PIAS1: variants seen among roughly 807,000 people sequenced by gnomAD.
PIAS1 encodes E3 SUMO-protein ligase PIAS1.
PIAS1 carries 6 observed loss-of-function variants against 71.3 expected under a neutral mutation model. That is an observed-to-expected ratio of 0.08 (90% CI 0.05 to 0.17). The LOEUF is 0.17. Among genes scored for constraint, PIAS1 ranks in the 10% least tolerant of loss-of-function variants. The pLI, the probability that PIAS1 is intolerant of heterozygous loss-of-function variation, is 1.00. For missense variants in PIAS1, 555 were observed against 793.6 expected (o/e 0.70, Z 3.61); for synonymous variants, 303 against 292.9 (o/e 1.03, Z -0.35).
chr15:68,076,038 C>G (rs1390115622), intron 1 of PIAS1, among the ~76,000 whole-genome samples: 3 of 152,140 alleles, frequency 2.0e-5, no homozygotes, highest in Non-Finnish European at 4.4e-5. Context: ...CCGCTGCCGC[C>G]TCCCCAAAGT....
chr15:68,183,599 T>C, intron 12 of PIAS1, 31 bp from the exon 13 acceptor site: 1 of 938,626 alleles, frequency 1.1e-6, no homozygotes, highest in Non-Finnish European at 1.6e-6. Context: ...CTTCTTTTTT[T>C]TTTAAACTGA....
At chr15:68,098,223 A>G (rs1200206131) in intron 2 of PIAS1, among the ~76,000 whole-genome samples, 3 of 152,238 alleles carry the variant, frequency 2.0e-5, no homozygotes, top group Non-Finnish European at 4.4e-5. Context: ...TACCAATAAC[A>G]TAAACAGTTG....
intron 2 of PIAS1, among the ~76,000 whole-genome samples, chr15:68,118,989 A>G (rs1245161437): frequency 6.6e-6 from 1 of 150,464 alleles, no homozygotes; most frequent in Non-Finnish European, 1.5e-5. Context: ...GAAACAATCA[A>G]GAGAGCACAA....
In PIAS1 at chr15:68,184,531, A is replaced by T. The variant is rs77248480; in HGVS notation, c.1662+864A>T. The T allele has an allele frequency of 6.1e-3, 925 of 152,374 alleles. 3 individuals carry two copies. Among genetic ancestry groups the T allele is most frequent in the East Asian group, 0.032 (167 of 5,190 alleles). 9.4% of individuals were successfully genotyped at this position (152,374 alleles called of 1,614,324 possible). ...TAAAGAAAAGACTGGACCCAACTAC[A>T]GTGTTAAATGTACTGCTAGCTCCGG... is the stretch of plus-strand genomic sequence containing the variant. On this transcript the variant is annotated intron_variant, in intron 13 of 13. Coordinates refer to ENST00000249636, the MANE Select transcript of PIAS1 (RefSeq NM_016166.3).
rs1334028277 is a variant in PIAS1, at chr15:68,135,357, C to T, written c.470-6589C>T. On this transcript the variant is annotated intron_variant, in intron 2 of 13. Coordinates refer to ENST00000249636, the MANE Select transcript of PIAS1 (RefSeq NM_016166.3). ...TCACCTCCCGGATGGGGCGGCTGGCCGGGCGGGGGGCTGACCCCCACACCG... is the reference window on the plus strand; with the variant it reads ...TCACCTCCCGGATGGGGCGGCTGGCTGGGCGGGGGGCTGACCCCCACACCG... Among the ~76,000 whole-genome samples, 9 of 42,854 alleles carry T rather than the reference C, an allele frequency of 2.1e-4. 2 individuals carry two copies. In the South Asian group the frequency reaches 4.9e-3, roughly 23 times the overall value. 28.1% of individuals were successfully genotyped at this position (42,854 alleles called of 152,430 possible). A position where few individuals can be genotyped will look rare whatever the true frequency, so the allele number is the denominator to read the frequency against.
At chr15:68,090,312 C>T (rs1176803387) in intron 2 of PIAS1, among the ~76,000 whole-genome samples, 1 of 151,972 alleles carries the variant, frequency 6.6e-6, no homozygotes, top group Non-Finnish European at 1.5e-5. Flanking sequence ...ATGCAATTTT[C>T]CCAACTCAGC....
chr15:68,182,217 T>C (rs1179315104), intron 12 of PIAS1, among the ~76,000 whole-genome samples: 1 of 152,206 alleles, frequency 6.6e-6, no homozygotes, highest in African/African-American at 2.4e-5. Flanking sequence ...ATTTATATAT[T>C]TTGAGTTCAT....
Position 68,190,928 on chromosome 15 carries a change from A to G in PIAS1, c.*3093A>G, listed in dbSNP as rs569080507. 13 of 152,310 alleles carry G rather than the reference A, an allele frequency of 8.5e-5. No homozygotes were observed. The highest frequency in any genetic ancestry group is 2.9e-4 in the African/African-American group (12 of 41,578). 9.4% of individuals were successfully genotyped at this position (152,310 alleles called of 1,614,324 possible). A position where few individuals can be genotyped will look rare whatever the true frequency, so the allele number is the denominator to read the frequency against. Reference sequence around the variant, plus strand: ...CTTTGGCAGATTTTCCTTTGAGTCAAGTGTCTGAAATGGAGTGAAAATATA... The same window carrying G: ...CTTTGGCAGATTTTCCTTTGAGTCAGGTGTCTGAAATGGAGTGAAAATATA... On this transcript the variant is annotated 3_prime_UTR_variant, in exon 14 of 14. Transcript: ENST00000249636. This position sits in a 1 kb window ranked among gnomAD's most constrained non-coding sequence, Gnocchi z 4.7.
In PIAS1 at chr15:68,174,065, T is replaced by C. The variant is rs1328020281; in HGVS notation, c.1169+173T>C. On this transcript the variant is annotated intron_variant, in intron 9 of 13. Coordinates refer to ENST00000249636, the MANE Select transcript of PIAS1 (RefSeq NM_016166.3). This position sits in a 1 kb window ranked among gnomAD's most constrained non-coding sequence, Gnocchi z 4.0. ...TCAAATTAGTGTTATGAATATTTTA[T>C]CTTTTTAAATTGATGTTCCCTTGGT... Among the ~76,000 whole-genome samples the C allele has an allele frequency of 6.6e-6, 1 of 152,260 alleles. No individual in the cohort carries two copies. Among genetic ancestry groups the C allele is most frequent in the East Asian group, 1.9e-4 (1 of 5,206 alleles).
intron 6 of PIAS1, among the ~76,000 whole-genome samples, chr15:68,147,905 C>CT (rs11428256): frequency 0.38 from 57,900 of 151,906 alleles, 13,379 homozygotes; most frequent in East Asian, 0.8. Context: ...GTCTAACATT[C>CT]TTTTTTGGGA....
intron 6 of PIAS1, among the ~76,000 whole-genome samples, chr15:68,148,588 C>G (rs1446439081): frequency 6.6e-6 from 1 of 151,966 alleles, no homozygotes; most frequent in Non-Finnish European, 1.5e-5. Flanking sequence ...GCCACTGCAC[C>G]TGGCTAATTT....
At chr15:68,056,222 C>T (rs968610647) in intron 1 of PIAS1, among the ~76,000 whole-genome samples, 2 of 152,148 alleles carry the variant, frequency 1.3e-5, no homozygotes, top group African/African-American at 4.8e-5. Flanking sequence ...TATACATGGA[C>T]CATAGAATAA....
intron 7 of PIAS1, among the ~76,000 whole-genome samples, chr15:68,154,177 C>A (rs1017969524): frequency 6.6e-6 from 1 of 152,170 alleles, no homozygotes. Context: ...TCATCTGTAA[C>A]AAGAAGTTTA....
chr15:68,131,563 T>A (rs933979918), intron 2 of PIAS1, among the ~76,000 whole-genome samples: 1 of 152,260 alleles, frequency 6.6e-6, no homozygotes, highest in Non-Finnish European at 1.5e-5. Flanking sequence ...TTTGATTGTT[T>A]TAGATTCCAC....
At chr15:68,107,309 T>G (rs2092480237) in intron 2 of PIAS1, among the ~76,000 whole-genome samples, 1 of 152,326 alleles carries the variant, frequency 6.6e-6, no homozygotes, top group African/African-American at 2.4e-5. Flanking sequence ...ATGGTCTCAC[T>G]TCCTATCACC....
intron 1 of PIAS1, among the ~76,000 whole-genome samples, chr15:68,066,539 T>G (rs2092029394): frequency 6.6e-6 from 1 of 152,216 alleles, no homozygotes; most frequent in African/African-American, 2.4e-5. Flanking sequence ...TGATTTGCAT[T>G]CTACCTATTT....
At chr15:68,096,096 C>A (rs2140992606) in intron 2 of PIAS1, among the ~76,000 whole-genome samples, 1 of 152,270 alleles carries the variant, frequency 6.6e-6, no homozygotes, top group African/African-American at 2.4e-5. Flanking sequence ...TTTATTATCT[C>A]TATATGTCCT....
chr15:68,124,807 A>G (rs1429061842), intron 2 of PIAS1, among the ~76,000 whole-genome samples: 1 of 152,156 alleles, frequency 6.6e-6, no homozygotes, highest in Non-Finnish European at 1.5e-5. Context: ...TAAAAATCCC[A>G]TGTTCTCATA....
rs2092864651 is a variant in PIAS1 at position 68,153,572 on chromosome 15, A to G, written c.829-18A>G. 8.7e-7 allele frequency: 1 copy of G among 1,144,136 alleles called. No homozygotes were observed. Among genetic ancestry groups the G allele is most frequent in the South Asian group, 1.3e-5 (1 of 76,882 alleles). 70.9% of individuals were successfully genotyped at this position (1,144,136 alleles called of 1,614,324 possible). A position where few individuals can be genotyped will look rare whatever the true frequency, so the allele number is the denominator to read the frequency against. On this transcript the variant is annotated intron_variant, in intron 6 of 13. Coordinates refer to ENST00000249636, the MANE Select transcript of PIAS1 (RefSeq NM_016166.3). ...TACTTACATATGTTGTTTGTTTTCT[A>G]CTTCTTTTTTTTTCCAGAACTATTC...
Sources: gnomAD v4.1 joint callset for allele counts (sites outside exome capture counted in the v4.1 genomes callset) on GRCh38, gnomAD v4.1.1 for gene constraint, Gnocchi (gnomAD v3.1) non-coding constraint, MANE v1.5 for transcripts, NCBI Gene and HGNC (gene_info 2026-07-23, HGNC 2026-07-21) for gene names.